The following ZNF503 variants were observed in gnomAD, a reference collection of about 807,000 sequenced individuals.
ZNF503 encodes NocA-like zinc finger 2.
A neutral mutation model predicts 34.4 loss-of-function variants in ZNF503; 15 were observed. The observed-to-expected ratio is 0.44, with a 90% confidence interval of 0.29 to 0.67. The LOEUF (loss-of-function observed/expected upper bound fraction) is 0.67. Among genes scored for constraint, ZNF503 ranks in the 30% least tolerant of loss-of-function variants. ZNF503 has a pLI of 0.13. For synonymous variants in ZNF503, 580 were observed against 456.8 expected (o/e 1.27, Z -3.44); for missense variants, 1,007 against 926.8 (o/e 1.09, Z -1.12).
At chr10:75,320,151 T>A in the ZNF503 span, among the ~76,000 whole-genome samples, 1 of 152,188 alleles carries the variant, frequency 6.6e-6, no homozygotes, top group Non-Finnish European at 1.5e-5. Context: ...CAGACCAGTA[T>A]TCCTCATAAT....
At chr10:75,365,512 C>A in the ZNF503 span, among the ~76,000 whole-genome samples, 9 of 152,114 alleles carry the variant, frequency 5.9e-5, no homozygotes, top group Non-Finnish European at 1.0e-4. Flanking sequence ...TTTGGAAAGT[C>A]AATTTTTAAA....
At chr10:75,330,021 A>G in the ZNF503 span, among the ~76,000 whole-genome samples, 3 of 152,158 alleles carry the variant, frequency 2.0e-5, no homozygotes, top group African/African-American at 4.8e-5. Flanking sequence ...TGGTTAAGGT[A>G]TGTTCCTTCT....
chr10:75,340,628 C>T, the ZNF503 span, among the ~76,000 whole-genome samples: 2 of 151,742 alleles, frequency 1.3e-5, no homozygotes, highest in Admixed American at 6.6e-5. Flanking sequence ...GACAGAGTTT[C>T]GCTCTTGTTG....
the ZNF503 span, among the ~76,000 whole-genome samples, chr10:75,308,097 T>C: frequency 1.1e-4 from 17 of 152,006 alleles, no homozygotes; most frequent in Admixed American, 1.1e-3. Context: ...AAAGGAGTTA[T>C]GCTATGCTGA....
the ZNF503 span, among the ~76,000 whole-genome samples, chr10:75,335,265 A>G: frequency 2.0e-5 from 3 of 152,326 alleles, no homozygotes; most frequent in South Asian, 2.1e-4. Flanking sequence ...AAAAAATGCT[A>G]TATTGGCGTT....
At chr10:75,286,744 G>T in the ZNF503 span, among the ~76,000 whole-genome samples, 1 of 152,136 alleles carries the variant, frequency 6.6e-6, no homozygotes. Flanking sequence ...TCTTTTGGGG[G>T]AAAGGTGTCC....
chr10:75,350,800 C>T, the ZNF503 span, among the ~76,000 whole-genome samples: 7 of 152,220 alleles, frequency 4.6e-5, no homozygotes, highest in South Asian at 4.1e-4. Flanking sequence ...GTAATCCTCC[C>T]GCCTCAGCTT....
chr10:75,305,695 C>T, the ZNF503 span, among the ~76,000 whole-genome samples: 3 of 152,244 alleles, frequency 2.0e-5, no homozygotes, highest in Non-Finnish European at 4.4e-5. Context: ...TGTTGACAAC[C>T]ACCTTTCTCC....
the ZNF503 span, among the ~76,000 whole-genome samples, chr10:75,359,538 T>A: frequency 6.6e-6 from 1 of 152,216 alleles, no homozygotes; most frequent in Non-Finnish European, 1.5e-5. Context: ...TGACTGCTCT[T>A]GAGTTTGCCT....
chr10:75,280,711 C>T, the ZNF503 span, among the ~76,000 whole-genome samples: 2 of 152,102 alleles, frequency 1.3e-5, no homozygotes, highest in Non-Finnish European at 2.9e-5. Context: ...TGCTTACAAT[C>T]TAGTGGGGGA....
chr10:75,347,550 G>T, the ZNF503 span, among the ~76,000 whole-genome samples: 1 of 152,218 alleles, frequency 6.6e-6, no homozygotes, highest in South Asian at 2.1e-4. Flanking sequence ...GGGGCAGGCT[G>T]TCCTTAACTC....
chr10:75,337,306 G>A, the ZNF503 span, among the ~76,000 whole-genome samples: 59 of 150,906 alleles, frequency 3.9e-4, 1 homozygote, highest in East Asian at 0.011. Context: ...TCCAGCATGG[G>A]CAACAAAGTG....
At chr10:75,289,901 A>G in the ZNF503 span, among the ~76,000 whole-genome samples, 2 of 152,162 alleles carry the variant, frequency 1.3e-5, no homozygotes, top group African/African-American at 4.8e-5. Context: ...CAGTGTTATT[A>G]AACACATTCA....
the ZNF503 span, among the ~76,000 whole-genome samples, chr10:75,300,952 C>G: frequency 0.019 from 2,926 of 152,100 alleles, 90 homozygotes; most frequent in African/African-American, 0.067. Flanking sequence ...GATCCACCCC[C>G]CTGGGTCTCC....
chr10:75,301,480 A>G, the ZNF503 span, among the ~76,000 whole-genome samples: 1 of 152,156 alleles, frequency 6.6e-6, no homozygotes, highest in East Asian at 1.9e-4. Flanking sequence ...AGCTCAGGCA[A>G]TCCACCCACC....
the ZNF503 span, among the ~76,000 whole-genome samples, chr10:75,351,592 C>A: frequency 6.6e-5 from 10 of 152,296 alleles, 3 homozygotes; most frequent in African/African-American, 2.4e-4. Context: ...GGGACTCTCC[C>A]CAGCTTCACC....
At chr10:75,313,869 A>G in the ZNF503 span, among the ~76,000 whole-genome samples, 2 of 152,240 alleles carry the variant, frequency 1.3e-5, no homozygotes, top group African/African-American at 2.4e-5. Context: ...TGCAAAATAT[A>G]GAGAAAGCAT....
the ZNF503 span, among the ~76,000 whole-genome samples, chr10:75,365,984 T>C: frequency 6.6e-6 from 1 of 152,242 alleles, no homozygotes; most frequent in African/African-American, 2.4e-5. Flanking sequence ...TCAAGTGCTC[T>C]GGTCCTGGTT....
At chr10:75,356,703 C>G in the ZNF503 span, among the ~76,000 whole-genome samples, 8 of 152,198 alleles carry the variant, frequency 5.3e-5, no homozygotes, top group African/African-American at 1.9e-4. Flanking sequence ...GCTGCATTGC[C>G]TTTCAGCCCC....
Sources: gnomAD v4.1 joint callset for allele counts (sites outside exome capture counted in the v4.1 genomes callset) on GRCh38, gnomAD v4.1.1 for gene constraint, MANE v1.5 for transcripts, NCBI Gene and HGNC (gene_info 2026-07-23, HGNC 2026-07-21) for gene names.